Variants in APPBP2 observed in about 807,000 individuals in gnomAD.
APPBP2 encodes the protein amyloid protein-binding protein 2.
A neutral mutation model predicts 76.0 loss-of-function variants in APPBP2; 15 were observed. The ratio of observed to expected loss-of-function variants is 0.20; its 90% CI spans 0.13 to 0.30. The LOEUF is 0.30. Ranked by LOEUF, APPBP2 falls within the 10% of genes least tolerant of loss-of-function variation. The pLI is 1.00. For missense variants in APPBP2, 401 were observed against 687.2 expected, an observed-to-expected ratio of 0.58 and a Z score of 4.66; for synonymous variants, 222 against 242.2, an observed-to-expected ratio of 0.92 and a Z score of 0.77.
chr17:60,455,419 A>G (rs1456151076), intron 10 of APPBP2, among the ~76,000 whole-genome samples: 3 of 152,182 alleles, frequency 2.0e-5, no homozygotes, highest in Non-Finnish European at 4.4e-5. Flanking sequence ...AGGGAGAAAA[A>G]ACTCAGTTCC....
rs1430930732 is a variant in APPBP2 at position 60,525,941 on chromosome 17, C to T, written c.-10G>A. On this transcript the variant is annotated 5_prime_UTR_variant, in exon 1 of 13. Coordinates refer to ENST00000083182, the MANE Select transcript of APPBP2 (RefSeq NM_006380.5). ...GTTCCACGGCCGCCATCTTCCTTCC[C>T]TCCTCCTCCGCCTCCTCCGCCTCCT... The T allele has an allele frequency of 1.9e-6, 3 of 1,594,148 alleles. No homozygotes were observed. The highest frequency in any genetic ancestry group is 2.7e-5 in the African/African-American group (2 of 74,560).
At chr17:60,517,235 C>T (rs1165265213) in intron 1 of APPBP2, among the ~76,000 whole-genome samples, 1 of 152,178 alleles carries the variant, frequency 6.6e-6, no homozygotes, top group African/African-American at 2.4e-5. Flanking sequence ...CTTGGCCTCT[C>T]AAAGTGCTGG....
At chr17:60,482,071 G>A (rs575508246) in intron 3 of APPBP2, among the ~76,000 whole-genome samples, 1 of 152,134 alleles carries the variant, frequency 6.6e-6, no homozygotes, top group Admixed American at 6.5e-5. Context: ...TAGTAGAGAC[G>A]GGTTTCTCCA....
chr17:60,454,073 G>C (rs2090415768), intron 11 of APPBP2, among the ~76,000 whole-genome samples: 1 of 152,020 alleles, frequency 6.6e-6, no homozygotes, highest in East Asian at 1.9e-4. Flanking sequence ...ATGTTGTCCA[G>C]GCTGGTCTGA....
intron 10 of APPBP2, among the ~76,000 whole-genome samples, chr17:60,455,440 T>C (rs911623260): frequency 2.0e-5 from 3 of 152,152 alleles, no homozygotes; most frequent in Admixed American, 2.0e-4. Flanking sequence ...AGAATTAAGG[T>C]AGAACATATC....
At chr17:60,507,520 C>T (rs1165886244) in intron 1 of APPBP2, among the ~76,000 whole-genome samples, 1 of 152,046 alleles carries the variant, frequency 6.6e-6, no homozygotes, top group Non-Finnish European at 1.5e-5. Context: ...CAATGCCTGG[C>T]CCCCTTAAAT....
At chr17:60,469,093 C>T (rs992557734) in intron 4 of APPBP2, among the ~76,000 whole-genome samples, 3 of 151,916 alleles carry the variant, frequency 2.0e-5, no homozygotes, top group East Asian at 1.9e-4. Context: ...TTTGGGAGGC[C>T]GAGGTAGGCG....
At chr17:60,504,988 C>T (rs771055111) in intron 1 of APPBP2, among the ~76,000 whole-genome samples, 25 of 152,154 alleles carry the variant, frequency 1.6e-4, no homozygotes, top group Admixed American at 5.2e-4. Flanking sequence ...GAAAAATGGC[C>T]ATGTTATATG....
intron 9 of APPBP2, among the ~76,000 whole-genome samples, chr17:60,458,907 G>C (rs2090453951): frequency 6.6e-6 from 1 of 151,792 alleles, no homozygotes; most frequent in African/African-American, 2.4e-5. Context: ...CGAGTAGCTG[G>C]GATTACAGGC....
At chr17:60,500,811 G>A (rs1029692150) in intron 1 of APPBP2, among the ~76,000 whole-genome samples, 3 of 151,942 alleles carry the variant, frequency 2.0e-5, no homozygotes, top group Non-Finnish European at 1.5e-5. Flanking sequence ...CTGGAGAGTC[G>A]GTGTAAAATT....
At chr17:60,469,867 C>T (rs2090539186) in intron 4 of APPBP2, among the ~76,000 whole-genome samples, 3 of 152,178 alleles carry the variant, frequency 2.0e-5, no homozygotes, top group Admixed American at 2.0e-4. Flanking sequence ...CGATTCCTTG[C>T]TTTCAATGCT....
At position 60,487,348 on chromosome 17, in the gene APPBP2, G is replaced by T. The variant is rs554712649; in HGVS notation, c.379+7118C>A. Among the ~76,000 whole-genome samples, 31 of 152,046 alleles carry T rather than the reference G, an allele frequency of 2.0e-4. No homozygotes were observed. In the South Asian group the frequency reaches 6.2e-3, roughly 31 times the overall value. On this transcript the variant is annotated intron_variant, in intron 3 of 12. Transcript: ENST00000083182. ...GGTACACCAATCAAACGTAGATTTG[G>T]TATTTTCACATAGTCCTGTATTTCT... is the stretch of plus-strand genomic sequence containing the variant.
chr17:60,508,404 A>C (rs2090886525), intron 1 of APPBP2, among the ~76,000 whole-genome samples: 1 of 152,160 alleles, frequency 6.6e-6, no homozygotes. Context: ...AAAAAAAATC[A>C]CAAAATAACT....
intron 4 of APPBP2, among the ~76,000 whole-genome samples, chr17:60,470,007 T>A (rs1280312366): frequency 6.6e-6 from 1 of 152,006 alleles, no homozygotes; most frequent in Non-Finnish European, 1.5e-5. Flanking sequence ...TGCACAAAGT[T>A]TCCAATTTCT....
intron 3 of APPBP2, among the ~76,000 whole-genome samples, chr17:60,489,542 C>T (rs865929887): frequency 1.1e-4 from 15 of 135,436 alleles, no homozygotes; most frequent in African/African-American, 3.2e-4. Context: ...ACCCAGGAGG[C>T]GGAGGCTGCA....
chr17:60,520,530 G>A (rs942116186), intron 1 of APPBP2, among the ~76,000 whole-genome samples: 1 of 148,786 alleles, frequency 6.7e-6, no homozygotes, highest in African/African-American at 2.5e-5. Flanking sequence ...CCGACATTGT[G>A]CCTATGCACT....
intron 1 of APPBP2, among the ~76,000 whole-genome samples, chr17:60,502,434 G>A (rs923451896): frequency 2.0e-5 from 3 of 152,122 alleles, no homozygotes; most frequent in Admixed American, 6.6e-5. Flanking sequence ...TCTGATTTGC[G>A]ACACAACAGT....
At chr17:60,518,642 C>A (rs2090984261) in intron 1 of APPBP2, among the ~76,000 whole-genome samples, 1 of 151,940 alleles carries the variant, frequency 6.6e-6, no homozygotes, top group African/African-American at 2.4e-5. Context: ...TAGCTGGGAC[C>A]GTAGGCATGT....
intron 1 of APPBP2, among the ~76,000 whole-genome samples, chr17:60,501,728 C>T (rs1031592394): frequency 1.2e-4 from 19 of 152,150 alleles, no homozygotes; most frequent in African/African-American, 4.6e-4. Flanking sequence ...CATTTAACAG[C>T]TCAGTTGATG....
Sources: gnomAD v4.1 joint callset for allele counts (sites outside exome capture counted in the v4.1 genomes callset) on GRCh38, gnomAD v4.1.1 for gene constraint, MANE v1.5 for transcripts, NCBI Gene and HGNC (gene_info 2026-07-23, HGNC 2026-07-21) for gene names.